ZNF717: variants seen among roughly 807,000 people sequenced by gnomAD.
The protein encoded by ZNF717 is krueppel-like factor X17.
In ZNF717, 9 loss-of-function variants were observed where a neutral mutation model predicts 13.8. That is an observed-to-expected ratio of 0.65 (90% CI 0.39 to 1.14). ZNF717 has a LOEUF of 1.14. Ranked by LOEUF, ZNF717 falls within the 50% of genes most tolerant of loss-of-function variation. The probability of loss-of-function intolerance (pLI) is 0.01; values close to 1 mark genes in which losing one functional copy is unlikely to be tolerated. For synonymous variants in ZNF717, 327 were observed against 364.1 expected (o/e 0.90, Z 1.16); for missense variants, 1,040 against 1,080.7 (o/e 0.96, Z 0.53).
At chr3:75,782,976 A>C (rs1412828280) in intron 2 of ZNF717, among the ~76,000 whole-genome samples, 1 of 152,276 alleles carries the variant, frequency 6.6e-6, no homozygotes, top group Non-Finnish European at 1.5e-5. Context: ...GTCACCACCG[A>C]AGGTGGTGGT....
chr3:75,768,664 G>C (rs1198361686), intron 2 of ZNF717, among the ~76,000 whole-genome samples: 1 of 150,996 alleles, frequency 6.6e-6, no homozygotes, highest in African/African-American at 2.4e-5. Flanking sequence ...GAGTGTGTCG[G>C]GGGGCAGATG....
chr3:75,738,315 T>G lies in ZNF717; in HGVS notation c.1308A>C (p.Ser436=), dbSNP rs1286422247. ...GTGTTCTCTGATGGACAGTAAGCCTTGACTTATGGCTAAATGCTTCTTCAC... is the reference window on the plus strand; with the variant it reads ...GTGTTCTCTGATGGACAGTAAGCCTGGACTTATGGCTAAATGCTTCTTCAC... ...DHCEEAFSHK[S]RLTVHQRTHT... The change falls in exon 5 of 5, where the codon TCA becomes TCC. Residue 436 remains serine (S), a synonymous_variant. Coordinates refer to ENST00000652011, the MANE Select transcript of ZNF717 (RefSeq NM_001290208.3). The G allele has an allele frequency of 6.5e-7, 1 of 1,543,132 alleles. No individual in the cohort carries two copies. Among genetic ancestry groups the G allele is most frequent in the Admixed American group, 2.0e-5 (1 of 51,098 alleles).
intron 2 of ZNF717, among the ~76,000 whole-genome samples, chr3:75,760,898 AG>A (rs147167935): frequency 0.022 from 3,325 of 152,154 alleles, 121 homozygotes; most frequent in African/African-American, 0.075. Context: ...TAAAACTCAC[AG>A]CCATATTAAG....
intron 2 of ZNF717, among the ~76,000 whole-genome samples, chr3:75,745,041 TGGTAC>T (rs1453563800): frequency 7.4e-6 from 1 of 135,952 alleles, no homozygotes; most frequent in Non-Finnish European, 1.6e-5. Context: ...CCCTCACATA[TGGTAC>T]CAAAACACTG....
At chr3:75,760,114 C>A (rs375770141) in intron 2 of ZNF717, among the ~76,000 whole-genome samples, 3 of 124,644 alleles carry the variant, frequency 2.4e-5, no homozygotes, top group South Asian at 4.9e-4. Context: ...CTGCAACCTC[C>A]GCCTCCCAGA....
intron 4 of ZNF717, among the ~76,000 whole-genome samples, chr3:75,721,499 T>C (rs1383280127): frequency 2.6e-5 from 4 of 152,218 alleles, no homozygotes. Flanking sequence ...CAGGCTGTTC[T>C]TGAACTCCTG....
At chr3:75,762,734 C>T (rs1943138871) in intron 2 of ZNF717, among the ~76,000 whole-genome samples, 4 of 152,026 alleles carry the variant, frequency 2.6e-5, no homozygotes, top group Non-Finnish European at 5.9e-5. Flanking sequence ...ATCTCCAGGG[C>T]CCATGAATAG....
chr3:75,762,003 G>A (rs182157671), intron 2 of ZNF717, among the ~76,000 whole-genome samples: 1 of 151,310 alleles, frequency 6.6e-6, no homozygotes, highest in Admixed American at 6.6e-5. Flanking sequence ...GCAGTCAGCT[G>A]AGATTGTGCC....
chr3:75,772,765 C>T (rs1371390178), intron 2 of ZNF717, among the ~76,000 whole-genome samples: 1 of 152,248 alleles, frequency 6.6e-6, no homozygotes, highest in South Asian at 2.1e-4. Flanking sequence ...CAGAACGAAC[C>T]CAGTGGGCCT....
downstream of ZNF717, among the ~76,000 whole-genome samples, chr3:75,734,830 T>G (rs1232149142): frequency 1.9e-5 from 1 of 51,770 alleles, no homozygotes; most frequent in Non-Finnish European, 5.1e-5. Flanking sequence ...TTTTTTTTTT[T>G]TTTTTTTTTT....
chr3:75,732,165 C>G (rs1466465355), downstream of ZNF717: 3 of 702,546 alleles, frequency 4.3e-6, no homozygotes, highest in Non-Finnish European at 7.8e-6. Flanking sequence ...TATGCCAGAG[C>G]AACCTGTTCT....
rs1939376376 is a variant in ZNF717 at position 75,737,130 on chromosome 3, T to C, written c.2493A>G (p.Val831=). The C allele has an allele frequency of 6.4e-7, 1 of 1,567,584 alleles. No individual in the cohort carries two copies. Among genetic ancestry groups the C allele is most frequent in the Non-Finnish European group, 8.6e-7 (1 of 1,156,444 alleles). Residue 831 remains valine (V), a synonymous_variant, in exon 5 of 5, where the codon GTA becomes GTG. Transcript: ENST00000652011. ...TTTCCCCTGTGTGAGTTCTGTGATGTACAAAGAGTTTTGACTTCTGGGAGA... is the reference window on the plus strand; with the variant it reads ...TTTCCCCTGTGTGAGTTCTGTGATGCACAAAGAGTTTTGACTTCTGGGAGA... ...KTFSQKSKLF[V]HHRTHTGEKP... is the part of the protein sequence containing the mutation.
chr3:75,749,347 G>A (rs1244367019), intron 2 of ZNF717, among the ~76,000 whole-genome samples: 4 of 150,590 alleles, frequency 2.7e-5, no homozygotes, highest in Non-Finnish European at 5.9e-5. Flanking sequence ...TGGGTTCCAA[G>A]TGTCTGTCCT....
In ZNF717 at chr3:75,737,979, T is replaced by C; in HGVS notation, c.1644A>G (p.Ser548=). 6.5e-7 allele frequency: 1 copy of C among 1,543,770 alleles called. No individual in the cohort carries two copies. Among genetic ancestry groups the C allele is most frequent in the Non-Finnish European group, 8.7e-7 (1 of 1,143,014 alleles). Residue 548 remains serine (S), a synonymous_variant, in exon 5 of 5, where the codon TCA becomes TCG. Coordinates refer to ENST00000652011, the MANE Select transcript of ZNF717 (RefSeq NM_001290208.3). ...GAGTTCTGTGATGTACTGTAAGGTA[T>C]GACTTGTGGCTATATGTTTTTCCAC... is the stretch of plus-strand genomic sequence containing the variant. The part of the protein sequence containing the change: ...NECGKTYSHK[S]YLTVHHRTHT...
chr3:75,738,875 C>T lies in ZNF717; in HGVS notation c.748G>A (p.Ala250Thr). The change falls in exon 5 of 5, where the codon GCT becomes ACT. Residue 250 changes from alanine (A) to threonine (T), a missense_variant. Transcript: ENST00000652011. ...NEYEKACNNS[A>T]VIVQVITQVG... ...TGAGTTATCACTTGGACAATAACAG[C>T]TGAGTTATTACAGGCTTTCTCATAT... is the stretch of plus-strand genomic sequence containing the variant. 2 of 1,551,566 alleles carry T rather than the reference C, an allele frequency of 1.3e-6. No individual in the cohort carries two copies. Among genetic ancestry groups the T allele is most frequent in the Non-Finnish European group, 1.7e-6 (2 of 1,146,970 alleles).
intron 2 of ZNF717, among the ~76,000 whole-genome samples, chr3:75,758,979 C>T (rs1288286270): frequency 1.9e-5 from 2 of 104,224 alleles, no homozygotes; most frequent in African/African-American, 6.2e-5. Context: ...AATCCTATCA[C>T]ACACACAAAA....
chr3:75,735,103 G>T (rs1364489793), downstream of ZNF717, among the ~76,000 whole-genome samples: 1 of 152,174 alleles, frequency 6.6e-6, no homozygotes, highest in Non-Finnish European at 1.5e-5. Context: ...GGGATTACAG[G>T]CTTGAGCCAA....
chr3:75,696,892 C>CAAAAAAAAAAA, intron 6 of ZNF717, among the ~76,000 whole-genome samples: 1 of 61,484 alleles, frequency 1.6e-5, no homozygotes, highest in African/African-American at 7.5e-5. Context: ...GACTTCATCT[C>CAAAAAAAAAAA]AAAAAAAAAA....
intron 2 of ZNF717, among the ~76,000 whole-genome samples, chr3:75,744,985 C>T (rs1940983350): frequency 6.6e-6 from 1 of 152,082 alleles, no homozygotes; most frequent in Non-Finnish European, 1.5e-5. Context: ...AGTATAGACC[C>T]AATCATAGCA....
Sources: gnomAD v4.1 joint callset for allele counts (sites outside exome capture counted in the v4.1 genomes callset) on GRCh38, gnomAD v4.1.1 for gene constraint, MANE v1.5 for transcripts, NCBI Gene and HGNC (gene_info 2026-07-23, HGNC 2026-07-21) for gene names.